The following RSPH4A variants were observed in gnomAD, a reference collection of about 807,000 sequenced individuals.
The protein encoded by RSPH4A is radial spoke head protein 4 homolog A.
RSPH4A carries 47 observed loss-of-function variants against 71.0 expected under a neutral mutation model. The ratio of observed to expected loss-of-function variants is 0.66; its 90% CI spans 0.52 to 0.84. RSPH4A has a LOEUF of 0.84. RSPH4A is among the 40% of genes least tolerant of loss of function. The probability of loss-of-function intolerance (pLI) is 0.00; values close to 1 mark genes in which losing one functional copy is unlikely to be tolerated. For missense variants in RSPH4A, 793 were observed against 855.2 expected (o/e 0.93, Z 0.91); for synonymous variants, 282 against 302.3 (o/e 0.93, Z 0.70).
chr6:116,621,300 A>G (rs73555436), intron 1 of RSPH4A, among the ~76,000 whole-genome samples: 12,140 of 152,256 alleles, frequency 0.08, 696 homozygotes, highest in Admixed American at 0.16. Flanking sequence ...TAATATTTTA[A>G]CTGCCCTTTA....
At chr6:116,620,249 A>G (rs988006077) in intron 1 of RSPH4A, among the ~76,000 whole-genome samples, 1 of 152,206 alleles carries the variant, frequency 6.6e-6, no homozygotes, top group Non-Finnish European at 1.5e-5. Flanking sequence ...TCTTTATTGA[A>G]TTATTTTATA....
In RSPH4A at chr6:116,627,758, C is replaced by T. The variant is rs1041165726; in HGVS notation, c.1051C>T (p.Gln351Ter). 1.9e-6 allele frequency: 3 copies of T among 1,614,008 alleles called. No individual in the cohort carries two copies. Among genetic ancestry groups the T allele is most frequent in the Non-Finnish European group, 2.5e-6 (3 of 1,180,038 alleles). The change falls in exon 3 of 6, where the codon CAA (glutamine) becomes TAA (stop). Residue 351 changes from glutamine (Q) to a stop codon, truncating the protein, a stop_gained. Transcript: ENST00000229554. LOFTEE classifies it high-confidence loss of function. ...LKQLTDTHPI[Q>*]RCRFWGKILG... ...GCAGCTTACTGATACCCACCCAATC[C>T]AAAGATGCCGCTTCTGGGGAAAGAT...
At chr6:116,629,003 G>A (rs1290411527) in intron 3 of RSPH4A, among the ~76,000 whole-genome samples, 1 of 152,088 alleles carries the variant, frequency 6.6e-6, no homozygotes, top group African/African-American at 2.4e-5. Context: ...AACTAATAAG[G>A]AACAGAATCA....
rs764440557 is a variant in RSPH4A at position 116,627,781 on chromosome 6, G to T, written c.1074G>T (p.Lys358Asn). 3 of 1,614,170 alleles carry T rather than the reference G, an allele frequency of 1.9e-6. No individual in the cohort carries two copies. The South Asian group carries it at 3.3e-5, about 18-fold the overall frequency. ...HPIQRCRFWG[K>N]ILGLEMNYIV... ...TCCAAAGATGCCGCTTCTGGGGAAA[G>T]ATCTTGGGTCTGGAAATGAATTATA... The change falls in exon 3 of 6, where the codon AAG becomes AAT. Residue 358 changes from lysine (K) to asparagine (N), a missense_variant. Physicochemically the swap from Lys to Asn is moderately conservative, Grantham distance 94 (BLOSUM62 0). Coordinates refer to ENST00000229554, the MANE Select transcript of RSPH4A (RefSeq NM_001010892.3).
At position 116,632,365 on chromosome 6, in the gene RSPH4A, C is replaced by T; in HGVS notation, c.2075C>T (p.Ala692Val). 1 of 1,613,870 alleles carries T rather than the reference C, an allele frequency of 6.2e-7. No homozygotes were observed. Among genetic ancestry groups the T allele is most frequent in the Non-Finnish European group, 8.5e-7 (1 of 1,179,970 alleles). ...GAGGAGGAGCAGGCTTTCAGGGCTGCACAAGAAGCAGTTCTACTCGCAGCT... is the reference window on the plus strand; with the variant it reads ...GAGGAGGAGCAGGCTTTCAGGGCTGTACAAGAAGCAGTTCTACTCGCAGCT... The part of the protein sequence containing the change: ...SVEEEQAFRA[A>V]QEAVLLAAEN... Residue 692 changes from alanine to valine, a missense_variant, in exon 6 of 6, where the codon GCA becomes GTA. Coordinates refer to ENST00000229554, the MANE Select transcript of RSPH4A (RefSeq NM_001010892.3).
At chr6:116,619,484 A>G (rs191325148) in intron 1 of RSPH4A, among the ~76,000 whole-genome samples, 26 of 152,330 alleles carry the variant, frequency 1.7e-4, no homozygotes, top group African/African-American at 5.8e-4. Flanking sequence ...ATGAAAACCA[A>G]TGTATATAAA....
chr6:116,628,360 T>G lies in RSPH4A; in HGVS notation c.1653T>G (p.Ile551Met). 1 of 1,611,478 alleles carries G rather than the reference T, an allele frequency of 6.2e-7. No individual in the cohort carries two copies. Among genetic ancestry groups the G allele is most frequent in the Non-Finnish European group, 8.5e-7 (1 of 1,178,286 alleles). ...ATTGGGTTCATCATGTACAGCATAT[T>G]CTCTCTCAGGTAGGAGCTTTGCACT... is the stretch of plus-strand genomic sequence containing the variant. ...LSNWVHHVQH[I>M]LSQGRCNWFN... Residue 551 changes from isoleucine to methionine, a missense_variant, in exon 3 of 6, where the codon ATT (isoleucine) becomes ATG (methionine). Ile to Met is a conservative substitution (Grantham distance 10). Coordinates refer to ENST00000229554, the MANE Select transcript of RSPH4A (RefSeq NM_001010892.3).
rs1775825142 is a variant in RSPH4A at position 116,632,551 on chromosome 6, G to C, written c.*110G>C. The C allele has an allele frequency of 2.2e-6, 3 of 1,341,482 alleles. No homozygotes were observed. Among genetic ancestry groups the C allele is most frequent in the Non-Finnish European group, 1.0e-6 (1 of 992,334 alleles). The allele number at this position is 1,341,482 out of a possible 1,614,324, so 83.1% of individuals were successfully genotyped here. A position where few individuals can be genotyped will look rare whatever the true frequency, so the allele number is the denominator to read the frequency against. Reference sequence around the variant, plus strand: ...TGTGTGTATATACATACACATGTAAGAAATTATTCAACTGCAAAATCTCAA... The same window carrying C: ...TGTGTGTATATACATACACATGTAACAAATTATTCAACTGCAAAATCTCAA... On this transcript the variant is annotated 3_prime_UTR_variant, in exon 6 of 6. Coordinates refer to ENST00000229554, the MANE Select transcript of RSPH4A (RefSeq NM_001010892.3).
chr6:116,616,580 C>T lies in RSPH4A; in HGVS notation c.-44C>T, dbSNP rs1012260658. ...ACTGAGTTGCCTTCTTCCATATTTT[C>T]ACGCCCCTTTCATCCAGAACATTTT... On this transcript the variant is annotated 5_prime_UTR_variant, in exon 1 of 6. Transcript: ENST00000229554. The T allele has an allele frequency of 2.0e-6, 3 of 1,517,374 alleles. No homozygotes were observed. The highest frequency in any genetic ancestry group is 1.9e-5 in the Admixed American group (1 of 53,184). The allele number at this position is 1,517,374 out of a possible 1,614,324, so 94.0% of individuals were successfully genotyped here.
Position 116,617,137 on chromosome 6 carries a change from A to C in RSPH4A, c.514A>C (p.Lys172Gln), listed in dbSNP as rs963891526. The change falls in exon 1 of 6, where the codon AAA becomes CAA. Residue 172 changes from lysine to glutamine, a missense_variant. Coordinates refer to ENST00000229554, the MANE Select transcript of RSPH4A (RefSeq NM_001010892.3). ...GRRDVSYNNAKQKELRFDVFQ... is the reference protein window; with the variant it reads ...GRRDVSYNNAQQKELRFDVFQ... ...AAGGGACGTGAGCTATAACAACGCT[A>C]AACAGAAAGAGCTGAGATTTGACGT... The C allele has an allele frequency of 6.2e-7, 1 of 1,614,096 alleles. No homozygotes were observed. The highest frequency in any genetic ancestry group is 1.7e-5 in the Admixed American group (1 of 60,016).
intron 2 of RSPH4A, among the ~76,000 whole-genome samples, chr6:116,627,285 C>T (rs1299869102): frequency 4.6e-5 from 7 of 152,240 alleles, no homozygotes; most frequent in South Asian, 2.1e-4. Flanking sequence ...CTGCAACTTC[C>T]GCCTCCCGGG....
At chr6:116,621,533 T>C (rs957425811) in intron 1 of RSPH4A, among the ~76,000 whole-genome samples, 2 of 152,180 alleles carry the variant, frequency 1.3e-5, no homozygotes, top group Non-Finnish European at 2.9e-5. Flanking sequence ...AGTTGCTGAA[T>C]AGGAAATATA....
chr6:116,623,399 A>G (rs561978866), intron 2 of RSPH4A, among the ~76,000 whole-genome samples: 1 of 152,258 alleles, frequency 6.6e-6, no homozygotes, highest in African/African-American at 2.4e-5. Flanking sequence ...ATAGCTTCTT[A>G]CATAGTATTT....
At position 116,623,002 on chromosome 6, in the gene RSPH4A, A is replaced by G; in HGVS notation, c.921A>G (p.Ile307Met). Residue 307 changes from isoleucine to methionine, a missense_variant and splice_region_variant, in exon 2 of 6, where the codon ATA becomes ATG. Physicochemically the swap from Ile to Met is conservative, Grantham distance 10. Coordinates refer to ENST00000229554, the MANE Select transcript of RSPH4A (RefSeq NM_001010892.3). The part of the protein sequence containing the change: ...EGVDQELEDE[I>M]AENALPNVME... Reference sequence around the variant, plus strand: ...TTGACCAAGAATTGGAAGATGAAATAGTAAGTCACTACTACAAATTTTAAT... The same window carrying G: ...TTGACCAAGAATTGGAAGATGAAATGGTAAGTCACTACTACAAATTTTAAT... 6.5e-7 allele frequency: 1 copy of G among 1,549,650 alleles called. No individual in the cohort carries two copies. The highest frequency in any genetic ancestry group is 8.9e-7 in the Non-Finnish European group (1 of 1,121,426).
chr6:116,624,464 G>A lies in RSPH4A; in HGVS notation c.921+1462G>A, dbSNP rs551593316. 1.2e-4 allele frequency among the ~76,000 whole-genome samples: 19 copies of A among 152,302 alleles called. No individual in the cohort carries two copies. In the South Asian group the frequency reaches 3.9e-3, roughly 32 times the overall value. On this transcript the variant is annotated intron_variant, in intron 2 of 5. Transcript: ENST00000229554. ...GGTAGGGCTTTGCATCCTAAAACTA[G>A]GATATGGGGTGAGAATACAAATAAG...
intron 2 of RSPH4A, among the ~76,000 whole-genome samples, chr6:116,626,218 T>A (rs936450326): frequency 6.6e-6 from 1 of 152,236 alleles, no homozygotes. Flanking sequence ...ACTACAATTA[T>A]AAGAGCATAT....
chr6:116,624,129 A>T (rs1369095302), intron 2 of RSPH4A, among the ~76,000 whole-genome samples: 1 of 152,226 alleles, frequency 6.6e-6, no homozygotes, highest in African/African-American at 2.4e-5. Flanking sequence ...GCACTCTGTC[A>T]GGGAAAAGAT....
chr6:116,621,533 T>A (rs957425811), intron 1 of RSPH4A, among the ~76,000 whole-genome samples: 3 of 152,180 alleles, frequency 2.0e-5, no homozygotes, highest in African/African-American at 7.2e-5. Flanking sequence ...AGTTGCTGAA[T>A]AGGAAATATA....
intron 1 of RSPH4A, 139 bp from the exon 2 acceptor site, chr6:116,622,629 G>A (rs1775627810): frequency 1.6e-6 from 1 of 615,678 alleles, no homozygotes; most frequent in Non-Finnish European, 2.9e-6. Context: ...CCTATTAATT[G>A]ACCTAAGCTA....
Sources: gnomAD v4.1 joint callset for allele counts (sites outside exome capture counted in the v4.1 genomes callset) on GRCh38, gnomAD v4.1.1 for gene constraint, MANE v1.5 for transcripts, NCBI Gene and HGNC (gene_info 2026-07-23, HGNC 2026-07-21) for gene names.